Variants in XKR9 observed in about 807,000 individuals in gnomAD.
The protein encoded by XKR9 is XK related 9.
Under a neutral mutation model 32.0 loss-of-function variants are expected in XKR9, and 32 were observed. The observed-to-expected ratio is 1.00, with a 90% CI of 0.76 to 1.34. XKR9 has a LOEUF of 1.34. Among genes scored for constraint, XKR9 ranks in the 40% most tolerant of loss-of-function variants. The pLI is 0.00. For missense variants in XKR9, 546 were observed against 429.7 expected, an observed-to-expected ratio of 1.27 and a Z score of -2.39; for synonymous variants, 168 against 143.4, an observed-to-expected ratio of 1.17 and a Z score of -1.22.
the XKR9 span, among the ~76,000 whole-genome samples, chr8:71,054,522 C>G: frequency 1.3e-5 from 2 of 152,154 alleles, no homozygotes; most frequent in African/African-American, 4.8e-5. Context: ...TCCCAAAGCA[C>G]CACTTCTGTA....
intron 2 of XKR9, among the ~76,000 whole-genome samples, chr8:70,755,794 A>C (rs1362051036): frequency 6.6e-6 from 1 of 151,320 alleles, no homozygotes; most frequent in African/African-American, 2.4e-5. Context: ...TAGCATTAGG[A>C]GATATACCTA....
the XKR9 span, among the ~76,000 whole-genome samples, chr8:70,976,995 T>C: frequency 1.3e-5 from 2 of 152,218 alleles, no homozygotes; most frequent in Non-Finnish European, 2.9e-5. Flanking sequence ...GATTTTCTAG[T>C]TTATTTTCAT....
At chr8:70,876,648 G>A in the XKR9 span, among the ~76,000 whole-genome samples, 1 of 152,074 alleles carries the variant, frequency 6.6e-6, no homozygotes, top group Non-Finnish European at 1.5e-5. Context: ...AAATTTTCAT[G>A]AATGACAATT....
intron 2 of XKR9, among the ~76,000 whole-genome samples, chr8:70,757,648 G>A (rs916559285): frequency 2.6e-5 from 4 of 152,218 alleles, no homozygotes; most frequent in South Asian, 2.1e-4. Context: ...ATGTGGTGCC[G>A]CAATCTCGGC....
the XKR9 span, among the ~76,000 whole-genome samples, chr8:71,039,993 T>G: frequency 6.6e-6 from 1 of 152,160 alleles, no homozygotes; most frequent in Non-Finnish European, 1.5e-5. Flanking sequence ...AATTGTCTGG[T>G]GATTTTCTCT....
At chr8:70,987,024 G>T in the XKR9 span, among the ~76,000 whole-genome samples, 1 of 152,134 alleles carries the variant, frequency 6.6e-6, no homozygotes, top group African/African-American at 2.4e-5. Flanking sequence ...AATCTCATGT[G>T]ACTTATTCAT....
chr8:70,878,862 G>A, the XKR9 span, among the ~76,000 whole-genome samples: 1 of 152,204 alleles, frequency 6.6e-6, no homozygotes, highest in East Asian at 1.9e-4. Context: ...ATTCTTTTCA[G>A]CACTGCACCT....
intron 3 of XKR9, among the ~76,000 whole-genome samples, chr8:70,684,488 A>G (rs974237953): frequency 1.3e-5 from 2 of 152,144 alleles, no homozygotes; most frequent in Non-Finnish European, 2.9e-5. Context: ...ATAAGCATAC[A>G]TAATCAAATA....
the XKR9 span, among the ~76,000 whole-genome samples, chr8:70,815,095 A>C: frequency 6.6e-6 from 1 of 152,212 alleles, no homozygotes; most frequent in Non-Finnish European, 1.5e-5. Context: ...TAGATGACAC[A>C]AACAAATGGA....
chr8:70,946,871 C>T, the XKR9 span, among the ~76,000 whole-genome samples: 4 of 152,258 alleles, frequency 2.6e-5, no homozygotes, highest in East Asian at 5.8e-4. Flanking sequence ...CCTAGCAGGA[C>T]TCTTGAGAAT....
the XKR9 span, among the ~76,000 whole-genome samples, chr8:71,053,496 G>C: frequency 6.6e-6 from 1 of 152,212 alleles, no homozygotes; most frequent in Middle Eastern, 3.2e-3. Context: ...AGGAAATGGA[G>C]AAGATCATAT....
chr8:70,776,945 C>A (rs141144968), intron 2 of XKR9, among the ~76,000 whole-genome samples: 4,631 of 62,430 alleles, frequency 0.074, 355 homozygotes, highest in Non-Finnish European at 0.09. Context: ...CTCTCTCTCT[C>A]TCTATATATA....
At chr8:70,985,759 AT>A in the XKR9 span, among the ~76,000 whole-genome samples, 556 of 148,184 alleles carry the variant, frequency 3.8e-3, 3 homozygotes, top group African/African-American at 4.6e-3. Context: ...AATATGGTAA[AT>A]TTTTTTTTTT....
At chr8:70,931,326 T>C in the XKR9 span, among the ~76,000 whole-genome samples, 1 of 152,144 alleles carries the variant, frequency 6.6e-6, no homozygotes, top group African/African-American at 2.4e-5. Context: ...AAGATGATTC[T>C]AAGGTGGCTG....
chr8:70,813,508 T>A, the XKR9 span, among the ~76,000 whole-genome samples: 1 of 152,084 alleles, frequency 6.6e-6, no homozygotes, highest in African/African-American at 2.4e-5. Flanking sequence ...ACAGGCAACC[T>A]ACAAAATGGG....
the XKR9 span, among the ~76,000 whole-genome samples, chr8:70,939,359 T>C: frequency 6.6e-6 from 1 of 152,132 alleles, no homozygotes; most frequent in African/African-American, 2.4e-5. Flanking sequence ...TAATGGATCA[T>C]AGTTTGTTTT....
chr8:70,831,481 C>T, the XKR9 span, among the ~76,000 whole-genome samples: 15 of 152,080 alleles, frequency 9.9e-5, no homozygotes, highest in African/African-American at 3.6e-4. Flanking sequence ...TGTACTTTTT[C>T]CCTTTGCAGT....
rs567419135 is a variant in XKR9 at position 70,698,542 on chromosome 8, C to T, written c.273-8391C>T. Among the ~76,000 whole-genome samples, 957 of 152,282 alleles carry T rather than the reference C, an allele frequency of 6.3e-3. 5 individuals carry two copies. The highest frequency in any genetic ancestry group is 0.022 in the African/African-American group (914 of 41,542). On this transcript the variant is annotated intron_variant, in intron 3 of 4. Transcript: ENST00000408926. ...AGTTCTAGTTTGATTGCACTGTGGT[C>T]TGAGAGACAGTTTGTTGTAATTTCT...
the XKR9 span, among the ~76,000 whole-genome samples, chr8:70,983,707 G>A: frequency 6.6e-6 from 1 of 152,074 alleles, no homozygotes; most frequent in Non-Finnish European, 1.5e-5. Context: ...CTTGAACCCG[G>A]GAAGTGGAGG....
Sources: gnomAD v4.1 joint callset for allele counts (sites outside exome capture counted in the v4.1 genomes callset) on GRCh38, gnomAD v4.1.1 for gene constraint, MANE v1.5 for transcripts, NCBI Gene and HGNC (gene_info 2026-07-23, HGNC 2026-07-21) for gene names.